Variants in CTNNA3 observed in about 807,000 individuals in gnomAD.
The protein encoded by CTNNA3 is catenin alpha-3.
CTNNA3 carries 76 observed loss-of-function variants against 95.7 expected under a neutral mutation model. The ratio of observed to expected loss-of-function variants is 0.79; its 90% CI spans 0.66 to 0.96. The LOEUF (loss-of-function observed/expected upper bound fraction) is 0.96. Among genes scored for constraint, CTNNA3 ranks in the 40% least tolerant of loss-of-function variants. The pLI is 0.00. For missense variants in CTNNA3, 1,191 were observed against 1,089.8 expected (o/e 1.09, Z -1.31); for synonymous variants, 431 against 374.4 (o/e 1.15, Z -1.74).
At chr10:67,137,098 G>A (rs995080051) in intron 7 of CTNNA3, among the ~76,000 whole-genome samples, 12 of 152,046 alleles carry the variant, frequency 7.9e-5, no homozygotes, top group South Asian at 2.1e-4. Flanking sequence ...GGACAGACCC[G>A]AAACATTCAG....
chr10:66,443,648 G>T (rs921673497), intron 11 of CTNNA3, among the ~76,000 whole-genome samples: 2 of 151,486 alleles, frequency 1.3e-5, no homozygotes, highest in Admixed American at 6.6e-5. Context: ...AAACAGAAAG[G>T]ACATCCACAC....
chr10:66,138,894 G>T (rs72795330), intron 13 of CTNNA3, among the ~76,000 whole-genome samples: 13,082 of 152,134 alleles, frequency 0.086, 652 homozygotes, highest in East Asian at 0.15. Context: ...AAGATGGATT[G>T]ACAATGATCA....
At chr10:67,607,173 G>T in intron 2 of CTNNA3, 124 bp from the exon 3 acceptor site, 1 of 673,410 alleles carries the variant, frequency 1.5e-6, no homozygotes, top group Non-Finnish European at 2.4e-6. Flanking sequence ...GGCTAGGGGC[G>T]CCAACCCACC....
chr10:66,309,936 A>AATAT (rs1407216143), intron 12 of CTNNA3, among the ~76,000 whole-genome samples: 3 of 144,246 alleles, frequency 2.1e-5, no homozygotes, highest in Non-Finnish European at 3.0e-5. Flanking sequence ...TAAATAAATA[A>AATAT]ATAAATAAAT....
At chr10:67,237,160 A>ATATATAT (rs1865520835) in intron 5 of CTNNA3, among the ~76,000 whole-genome samples, 1 of 120,610 alleles carries the variant, frequency 8.3e-6, no homozygotes, top group Non-Finnish European at 1.8e-5. Flanking sequence ...ATATATATAT[A>ATATATAT]TATATATATA....
intron 9 of CTNNA3, among the ~76,000 whole-genome samples, chr10:66,692,058 C>G (rs1329844655): frequency 6.6e-6 from 1 of 152,208 alleles, no homozygotes; most frequent in African/African-American, 2.4e-5. Flanking sequence ...CAGAGCGCCT[C>G]TCCTCCTCCA....
chr10:67,548,624 C>T (rs1269543292), intron 3 of CTNNA3, among the ~76,000 whole-genome samples: 1 of 152,032 alleles, frequency 6.6e-6, no homozygotes, highest in African/African-American at 2.4e-5. Flanking sequence ...AGATCATAGA[C>T]CTACTTGCAA....
At chr10:67,030,325 A>G (rs1331272927) in intron 7 of CTNNA3, among the ~76,000 whole-genome samples, 5 of 152,204 alleles carry the variant, frequency 3.3e-5, no homozygotes, top group African/African-American at 1.2e-4. Context: ...ATATGCTATC[A>G]TTTAATTTAT....
chr10:66,143,939 T>G (rs1451021934), intron 13 of CTNNA3, among the ~76,000 whole-genome samples: 4 of 152,250 alleles, frequency 2.6e-5, no homozygotes, highest in Admixed American at 6.5e-5. Context: ...GGCTGCTTTA[T>G]TAATAACTCA....
chr10:67,162,993 T>C (rs1032554267), intron 7 of CTNNA3, among the ~76,000 whole-genome samples: 2 of 151,914 alleles, frequency 1.3e-5, no homozygotes, highest in Admixed American at 6.6e-5. Context: ...ATTCATAATA[T>C]AAAAACTCCT....
chr10:65,973,836 C>T (rs2078158374), intron 16 of CTNNA3, among the ~76,000 whole-genome samples: 1 of 152,066 alleles, frequency 6.6e-6, no homozygotes, highest in Non-Finnish European at 1.5e-5. Flanking sequence ...GAATCTGCCC[C>T]TATTACCCAA....
In CTNNA3 at chr10:66,823,428, A is replaced by T. The variant is rs1842371610; in HGVS notation, c.1048-47904T>A. Among the ~76,000 whole-genome samples the T allele has an allele frequency of 2.0e-5, 3 of 152,168 alleles. No homozygotes were observed. In the South Asian group the frequency reaches 6.2e-4, roughly 32 times the overall value. ...TTAAACAATTATTTCCTATTTACTA[A>T]CTGTGGAAGCAGCCATTCTTCTTCT... On this transcript the variant is annotated intron_variant, in intron 7 of 17. Coordinates refer to ENST00000433211, the MANE Select transcript of CTNNA3 (RefSeq NM_013266.4).
At chr10:66,263,820 C>T (rs2091077339) in intron 13 of CTNNA3, among the ~76,000 whole-genome samples, 1 of 152,042 alleles carries the variant, frequency 6.6e-6, no homozygotes, top group South Asian at 2.1e-4. Flanking sequence ...CCTACTTGAT[C>T]ATCTATATTC....
intron 7 of CTNNA3, among the ~76,000 whole-genome samples, chr10:66,841,841 C>G (rs192352758): frequency 0.037 from 5,605 of 152,146 alleles, 187 homozygotes; most frequent in African/African-American, 0.089. Context: ...ATAAAGTATA[C>G]TAACAACTGC....
At chr10:67,467,094 C>A (rs1399185800) in intron 5 of CTNNA3, among the ~76,000 whole-genome samples, 2 of 152,002 alleles carry the variant, frequency 1.3e-5, no homozygotes, top group African/African-American at 4.8e-5. Flanking sequence ...ACTATGATCA[C>A]ACCACTGCAC....
chr10:67,625,062 T>A (rs577993161), intron 2 of CTNNA3, among the ~76,000 whole-genome samples: 144 of 152,292 alleles, frequency 9.5e-4, no homozygotes, highest in Admixed American at 2.2e-3. Flanking sequence ...TGCCATCCAG[T>A]GGGCATGATT....
At chr10:66,404,962 T>C (rs2093046451) in intron 11 of CTNNA3, among the ~76,000 whole-genome samples, 1 of 152,168 alleles carries the variant, frequency 6.6e-6, no homozygotes, top group African/African-American at 2.4e-5. Flanking sequence ...GTAAGCGTGA[T>C]ATCCTAAAGC....
chr10:67,568,726 G>C (rs937586908), intron 3 of CTNNA3, among the ~76,000 whole-genome samples: 3 of 151,942 alleles, frequency 2.0e-5, no homozygotes, highest in African/African-American at 7.2e-5. Context: ...TTTTGTTAAC[G>C]ATTCCTAAGT....
intron 5 of CTNNA3, among the ~76,000 whole-genome samples, chr10:67,283,580 C>A (rs529459016): frequency 2.0e-5 from 3 of 152,188 alleles, no homozygotes; most frequent in Non-Finnish European, 4.4e-5. Context: ...TGCAGAGATG[C>A]AGACCCCAGA....
Sources: gnomAD v4.1 joint callset for allele counts (sites outside exome capture counted in the v4.1 genomes callset) on GRCh38, gnomAD v4.1.1 for gene constraint, MANE v1.5 for transcripts, NCBI Gene and HGNC (gene_info 2026-07-23, HGNC 2026-07-21) for gene names.